Variants in TERT observed in about 807,000 individuals in gnomAD.
TERT encodes the protein telomerase catalytic subunit.
Under a neutral mutation model 104.0 loss-of-function variants are expected in TERT, and 42 were observed. The observed-to-expected ratio is 0.40, with a 90% CI of 0.32 to 0.52. TERT has a LOEUF of 0.52. Ranked by LOEUF, TERT falls within the 20% of genes least tolerant of loss-of-function variation. TERT has a pLI of 0.43. For missense variants in TERT, 1,101 were observed against 1,610.3 expected (o/e 0.68, Z 5.41); for synonymous variants, 781 against 725.6 (o/e 1.08, Z -1.23).
At position 1,291,117 on chromosome 5, in the gene TERT, G is replaced by A. The variant is rs367823103; in HGVS notation, c.1573+2196C>T. On this transcript the variant is annotated intron_variant, in intron 2 of 15. Coordinates refer to ENST00000310581, the MANE Select transcript of TERT (RefSeq NM_198253.3). ...CTGGGGACCGCGCCTCACTCACCCT[G>A]CACGTGACAGGGACACCCGGGGACA... Among the ~76,000 whole-genome samples the A allele has an allele frequency of 4.9e-3, 412 of 84,868 alleles. 3 individuals are homozygous for A. Among genetic ancestry groups the A allele is most frequent in the Middle Eastern group, 0.016 (2 of 128 alleles). The allele number at this position is 84,868 out of a possible 152,430, so 55.7% of individuals were successfully genotyped here. A position where few individuals can be genotyped will look rare whatever the true frequency, so the allele number is the denominator to read the frequency against.
chr5:1,266,573 C>T (rs376230213), intron 9 of TERT, 38 bp from the exon 10 acceptor site: 46 of 1,520,626 alleles, frequency 3.0e-5, no homozygotes, highest in Non-Finnish European at 4.2e-5. Flanking sequence ...GTTAACTTTA[C>T]ACTTTTTACG....
chr5:1,294,692 C>T (rs1579598944), intron 1 of TERT, 26 bp from the exon 2 acceptor site: 1 of 1,585,924 alleles, frequency 6.3e-7, no homozygotes, highest in Non-Finnish European at 8.5e-7. Flanking sequence ...CCTGAGTCGC[C>T]TGCGCTGCTC....
intron 3 of TERT, 34 bp downstream of exon 3, chr5:1,282,395 C>A (rs773733143): frequency 6.2e-7 from 1 of 1,609,398 alleles, no homozygotes; most frequent in African/African-American, 1.3e-5. Context: ...TCCAGGACTT[C>A]GAGAAGCAGA....
rs1748874023 is a variant in TERT, at chr5:1,269,556, A to G, written c.2469-923T>C. On this transcript the variant is annotated intron_variant, in intron 8 of 15. Coordinates refer to ENST00000310581, the MANE Select transcript of TERT (RefSeq NM_198253.3). This position sits in a 1 kb window ranked among gnomAD's most constrained non-coding sequence, Gnocchi z 9.0. ...AACCCGGGAGGCGGAGGTTGCAGTGAGTTGAGATCGCGCCACTGCACTCAA... is the reference window on the plus strand; with the variant it reads ...AACCCGGGAGGCGGAGGTTGCAGTGGGTTGAGATCGCGCCACTGCACTCAA... Among the ~76,000 whole-genome samples, 1 of 151,726 alleles carries G rather than the reference A, an allele frequency of 6.6e-6. No homozygotes were observed. Among genetic ancestry groups the G allele is most frequent in the Admixed American group, 6.6e-5 (1 of 15,206 alleles).
At chr5:1,272,604 TCACCACATCA>T in intron 6 of TERT, among the ~76,000 whole-genome samples, 3 of 19,570 alleles carry the variant, frequency 1.5e-4, no homozygotes, top group Non-Finnish European at 2.9e-4. Context: ...CCATCCACAG[TCACCACATCA>T]GACCCCACGA....
At chr5:1,275,331 G>A (rs1579569989) in intron 6 of TERT, among the ~76,000 whole-genome samples, 1 of 149,646 alleles carries the variant, frequency 6.7e-6, no homozygotes, top group Admixed American at 6.7e-5. Context: ...CCAAGATCAC[G>A]CCAAACCACT....
chr5:1,293,900 T>C lies in TERT; in HGVS notation c.986A>G (p.Lys329Arg). 1 of 1,542,240 alleles carries C rather than the reference T, an allele frequency of 6.5e-7. No homozygotes were observed. Residue 329 changes from lysine (K) to arginine (R), a missense_variant, in exon 2 of 16, where the codon AAG becomes AGG. By Grantham distance (26) the Lys-to-Arg change is conservative. This residue lies in a region of TERT where 504 missense variants were observed against 544.6 expected (regional missense o/e 0.93). Coordinates refer to ENST00000310581, the MANE Select transcript of TERT (RefSeq NM_198253.3). ...TPCPPVYAET[K>R]HFLYSSGDKE... Reference sequence around the variant, plus strand: ...GTCGCCTGAGGAGTAGAGGAAGTGCTTGGTCTCGGCGTACACCGGGGGACA... The same window carrying C: ...GTCGCCTGAGGAGTAGAGGAAGTGCCTGGTCTCGGCGTACACCGGGGGACA...
chr5:1,256,688 T>C lies in TERT; in HGVS notation c.3033-1277A>G, dbSNP rs2126567198. Among the ~76,000 whole-genome samples, 1 of 152,262 alleles carries C rather than the reference T, an allele frequency of 6.6e-6. No homozygotes were observed. The highest frequency in any genetic ancestry group is 6.5e-5 in the Admixed American group (1 of 15,292). On this transcript the variant is annotated intron_variant, in intron 13 of 15. Transcript: ENST00000310581. The surrounding 1 kb of genome is among the most constrained non-coding windows in gnomAD (Gnocchi z 7.0). The stretch of plus-strand genomic sequence containing the variant: ...AACTCTGCTGAGGTGGGATGTCTTT[T>C]CCCCATTTAGCAACAACGGAAGCCA...
In TERT at chr5:1,266,524, C is replaced by G; in HGVS notation, c.2594G>C (p.Arg865Pro). The change falls in exon 10 of 16, where the codon CGT becomes CCT. Residue 865 changes from arginine to proline, a missense_variant. By Grantham distance (103) the Arg-to-Pro change is moderately radical. This residue lies in a region of TERT where 463 missense variants were observed against 797.5 expected (regional missense o/e 0.58). Transcript: ENST00000310581. The stretch of plus-strand genomic sequence containing the variant: ...CACCAACAAGAAATCATCCACCAAA[C>G]GCAGGAGCAGCCTAAAATAAGGGAA... ...AGIRRDGLLL[R>P]LVDDFLLVTP... The G allele has an allele frequency of 6.2e-7, 1 of 1,609,824 alleles. No homozygotes were observed. Among genetic ancestry groups the G allele is most frequent in the Non-Finnish European group, 8.5e-7 (1 of 1,178,074 alleles).
chr5:1,273,474 T>C (rs1749273306), intron 6 of TERT, among the ~76,000 whole-genome samples: 1 of 48,428 alleles, frequency 2.1e-5, no homozygotes. Context: ...CCATCCACAG[T>C]CACCACACAT....
chr5:1,283,022 A>T, intron 2 of TERT: 4 of 333,512 alleles, frequency 1.2e-5, no homozygotes, highest in South Asian at 9.3e-5. Flanking sequence ...CTGCACATCC[A>T]GCTCACCGCA....
At position 1,279,453 on chromosome 5, in the gene TERT, C is replaced by T. The variant is rs368784316; in HGVS notation, c.1968G>A (p.Ser656=). 1.3e-4 allele frequency: 198 copies of T among 1,549,818 alleles called. 2 individuals carry two copies. In the Admixed American group the frequency reaches 1.7e-3, roughly 13 times the overall value. Residue 656 remains serine, a synonymous_variant, in exon 5 of 16, where the codon TCG becomes TCA. Coordinates refer to ENST00000310581, the MANE Select transcript of TERT (RefSeq NM_198253.3). The part of the protein sequence containing the change: ...RREKRAERLT[S]RVKALFSVLN... ...GCACGCTGAACAGTGCCTTCACCCT[C>T]GAGGTGAGACGCTCGGCCTGGCGGG...
Position 1,253,770 on chromosome 5 carries a change from G to C in TERT, c.3357C>G (p.Ala1119=), listed in dbSNP as rs1275504353. 1 of 1,612,314 alleles carries C rather than the reference G, an allele frequency of 6.2e-7. No homozygotes were observed. ...TGAAGTCTGAGGGCAGTGCCGGGTT[G>C]GCTGCGGCCTCCAGGGCAGTCAGCG... The part of the protein sequence containing the change: ...GTTLTALEAA[A]NPALPSDFKT... Residue 1119 remains alanine, a synonymous_variant, in exon 16 of 16, where the codon GCC becomes GCG. Transcript: ENST00000310581.
chr5:1,272,550 C>A (rs1356256692), intron 6 of TERT, among the ~76,000 whole-genome samples: 1 of 124,904 alleles, frequency 8.0e-6, no homozygotes. Context: ...CACATCAGAC[C>A]CCACGACCGC....
chr5:1,291,782 C>A (rs932330056), intron 2 of TERT, among the ~76,000 whole-genome samples: 3 of 152,162 alleles, frequency 2.0e-5, no homozygotes, highest in African/African-American at 4.8e-5. Context: ...ACGCCTCACT[C>A]CCTGCATAAG....
At position 1,294,483 on chromosome 5, in the gene TERT, C is replaced by G. The variant is rs200843534; in HGVS notation, c.403G>C (p.Gly135Arg). Residue 135 changes from glycine to arginine, a missense_variant, in exon 2 of 16, where the codon GGG becomes CGG. This residue lies in a region of TERT where 47 missense variants were observed against 105.3 expected (regional missense o/e 0.45). Transcript: ENST00000310581. ...NTVTDALRGS[G>R]AWGLLLRRVG... ...CGGCGCAGCAGCAGCCCCCACGCCCCGCTCCCCCGCAGTGCGTCGGTCACC... is the reference window on the plus strand; with the variant it reads ...CGGCGCAGCAGCAGCCCCCACGCCCGGCTCCCCCGCAGTGCGTCGGTCACC... The G allele has an allele frequency of 6.3e-7, 1 of 1,588,898 alleles. No homozygotes were observed. Among genetic ancestry groups the G allele is most frequent in the Non-Finnish European group, 8.5e-7 (1 of 1,175,506 alleles).
chr5:1,291,596 C>T (rs200170593), intron 2 of TERT, among the ~76,000 whole-genome samples: 15 of 125,838 alleles, frequency 1.2e-4, no homozygotes, highest in Admixed American at 1.6e-4. Context: ...CAGGGACACC[C>T]GGGGACAGTG....
chr5:1,289,378 G>A (rs1396631547), intron 2 of TERT, among the ~76,000 whole-genome samples: 270 of 99,410 alleles, frequency 2.7e-3, no homozygotes, highest in African/African-American at 9.5e-3. Flanking sequence ...ACCCGGGGAC[G>A]GGGCCTCACT....
At chr5:1,283,433 A>G (rs1302370987) in intron 2 of TERT, among the ~76,000 whole-genome samples, 358 of 77,562 alleles carry the variant, frequency 4.6e-3, no homozygotes, top group South Asian at 5.5e-3. Flanking sequence ...TGCACCATCC[A>G]GACACCGCAC....
Sources: allele counts gnomAD v4.1 joint callset (sites outside exome capture counted in the v4.1 genomes callset), GRCh38; gene constraint gnomAD v4.1.1; regional missense constraint gnomAD v4.1.1; non-coding constraint Gnocchi (gnomAD v3.1); transcripts MANE v1.5; gene names NCBI Gene and HGNC (gene_info 2026-07-23, HGNC 2026-07-21).